Variants in PPDPF observed in about 807,000 individuals in gnomAD.
PPDPF encodes the protein pancreatic progenitor cell differentiation and proliferation factor.
A neutral mutation model predicts 6.3 loss-of-function variants in PPDPF; 11 were observed. The ratio of observed to expected loss-of-function variants is 1.76; its 90% CI spans 1.11 to 2.91. The LOEUF (loss-of-function observed/expected upper bound fraction) is 2.91, where lower values mean the gene tolerates loss of function less well. Among genes scored for constraint, PPDPF ranks in the 30% most tolerant of loss-of-function variants. PPDPF has a pLI of 0.00. For synonymous variants in PPDPF, 86 were observed against 64.5 expected (o/e 1.33, Z -1.60); for missense variants, 202 against 159.4 (o/e 1.27, Z -1.44).
chr20:63,521,472 C>T (rs1477056724), intron 2 of PPDPF, 40 bp from the exon 3 acceptor site: 13 of 1,556,466 alleles, frequency 8.4e-6, no homozygotes, highest in Non-Finnish European at 1.1e-5. Context: ...GGCTGGGGGG[C>T]TCCGCGCCCC....
At chr20:63,521,018 C>T in intron 1 of PPDPF, 124 bp downstream of exon 1, 1 of 636,684 alleles carries the variant, frequency 1.6e-6, no homozygotes, top group Non-Finnish European at 2.2e-6. Flanking sequence ...CCCCGGCGGG[C>T]TCCTCTCGGG....
rs770974374 is a variant in PPDPF, at chr20:63,521,661, C to T, written c.134-7C>T. The T allele has an allele frequency of 3.7e-6, 6 of 1,613,324 alleles. No homozygotes were observed. The highest frequency in any genetic ancestry group is 1.1e-5 in the South Asian group (1 of 91,082). On this transcript the variant is annotated splice_polypyrimidine_tract_variant and splice_region_variant and intron_variant, in intron 3 of 3. Transcript: ENST00000370179. ...GCAGCATCAAGACCCCACTTCGCTT[C>T]TCTCAGGTCTCCCCAAGGCTGACCC...
In PPDPF at chr20:63,521,786, C is replaced by A. The variant is rs1475878734; in HGVS notation, c.252C>A (p.Ser84=). 1.2e-6 allele frequency: 2 copies of A among 1,612,686 alleles called. No individual in the cohort carries two copies. The highest frequency in any genetic ancestry group is 1.7e-6 in the Non-Finnish European group (2 of 1,179,912). Residue 84 remains serine (S), a synonymous_variant, in exon 4 of 4, where the codon TCC becomes TCA. Transcript: ENST00000370179. ...SAEHSEPPQA[S]SSMTACGLAR... is the part of the protein sequence containing the mutation. ...AGCACTCGGAACCTCCCCAGGCCTC[C>A]AGCAGCATGACCGCCTGTGGCCTGG... is the stretch of plus-strand genomic sequence containing the variant.
At position 63,521,520 on chromosome 20, in the gene PPDPF, G is replaced by C. The variant is rs762788827; in HGVS notation, c.64G>C (p.Gly22Arg). Residue 22 changes from glycine to arginine, a missense_variant, in exon 3 of 4, where the codon GGT (glycine) becomes CGT (arginine). Coordinates refer to ENST00000370179, the MANE Select transcript of PPDPF (RefSeq NM_024299.4). Reference protein sequence around the residue: ...ATHDYYRRRLGSTSSNSSCSS... With the variant: ...ATHDYYRRRLRSTSSNSSCSS... ...GGACCTCTCCTCTCCAGGCCGCCTG[G>C]GTTCCACTTCCAGCAACAGCTCCTG... 6.3e-7 allele frequency: 1 copy of C among 1,579,560 alleles called. No homozygotes were observed. The highest frequency in any genetic ancestry group is 8.6e-7 in the Non-Finnish European group (1 of 1,161,470).
chr20:63,521,494 G>C lies in PPDPF; in HGVS notation c.56-18G>C. On this transcript the variant is annotated intron_variant, in intron 2 of 3. Coordinates refer to ENST00000370179, the MANE Select transcript of PPDPF (RefSeq NM_024299.4). ...GGGCTCCGCGCCCCGCGTTGCTGAC[G>C]GGACCTCTCCTCTCCAGGCCGCCTG... is the stretch of plus-strand genomic sequence containing the variant. 6.4e-7 allele frequency: 1 copy of C among 1,563,844 alleles called. No individual in the cohort carries two copies. The highest frequency in any genetic ancestry group is 8.7e-7 in the Non-Finnish European group (1 of 1,153,132).
intron 1 of PPDPF, 117 bp downstream of exon 1, chr20:63,521,011 C>T (rs1600923797): frequency 4.1e-6 from 2 of 484,302 alleles, no homozygotes; most frequent in Non-Finnish European, 3.0e-6. Context: ...TCGGGGTCCC[C>T]GGCGGGCTCC....
At chr20:63,521,157 A>G in intron 1 of PPDPF, 127 bp from the exon 2 acceptor site, 1 of 989,978 alleles carries the variant, frequency 1.0e-6, no homozygotes, top group Non-Finnish European at 1.4e-6. Context: ...CGCGCGGCGA[A>G]GGCGGTGCCG....
chr20:63,522,060 G>T lies in PPDPF; in HGVS notation c.*181G>T. 1 of 640,534 alleles carries T rather than the reference G, an allele frequency of 1.6e-6. No individual in the cohort carries two copies. Among genetic ancestry groups the T allele is most frequent in the East Asian group, 2.8e-5 (1 of 36,302 alleles). 39.7% of individuals were successfully genotyped at this position (640,534 alleles called of 1,614,324 possible). On this transcript the variant is annotated 3_prime_UTR_variant, in exon 4 of 4. Transcript: ENST00000370179. ...AACACAGCAGACACCAAAAACCAGT[G>T]AGAGCCCCGCTCTCTACCGCCCGGC...
At chr20:63,521,066 G>A (rs1050608969) in intron 1 of PPDPF, among the ~76,000 whole-genome samples, 172 bp downstream of exon 1, 4 of 152,012 alleles carry the variant, frequency 2.6e-5, no homozygotes, top group African/African-American at 4.8e-5. Flanking sequence ...GGTTCCCGAC[G>A]TCTGGGCCGG....
rs868214838 is a variant in PPDPF, at chr20:63,521,872, C to G, written c.338C>G (p.Pro113Arg). 2 of 1,586,504 alleles carry G rather than the reference C, an allele frequency of 1.3e-6. No homozygotes were observed. Among genetic ancestry groups the G allele is most frequent in the Non-Finnish European group, 1.7e-6 (2 of 1,167,284 alleles). The change falls in exon 4 of 4, where the codon CCG (proline) becomes CGG (arginine). Residue 113 changes from proline (P) to arginine (R), a missense_variant. Physicochemically the swap from Pro to Arg is moderately radical, Grantham distance 103. Coordinates refer to ENST00000370179, the MANE Select transcript of PPDPF (RefSeq NM_024299.4). ...TCCAGCACAGCCAGCGCTGGGCCCC[C>G]GTCCTGACCTGAGCGGTTACCACCA... ...GQSSTASAGP[P>R]S
chr20:63,521,582 C>T lies in PPDPF; in HGVS notation c.126C>T (p.His42=). ...AGTGCCCCGGGGAAGCCATTCCCCA[C>T]CCCCCAGGTGAGTGCAGGATCGCCC... ...STECPGEAIP[H]PPGLPKADPG... The change falls in exon 3 of 4, where the codon CAC becomes CAT. Residue 42 remains histidine (H), a synonymous_variant. Transcript: ENST00000370179. 6.2e-7 allele frequency: 1 copy of T among 1,607,080 alleles called. No homozygotes were observed. The highest frequency in any genetic ancestry group is 1.7e-5 in the Admixed American group (1 of 59,358).
Position 63,521,503 on chromosome 20 carries a change from C to G in PPDPF, c.56-9C>G, listed in dbSNP as rs1045736371. The G allele has an allele frequency of 1.1e-5, 18 of 1,571,532 alleles. No homozygotes were observed. Among genetic ancestry groups the G allele is most frequent in the Non-Finnish European group, 1.6e-5 (18 of 1,157,638 alleles). Reference sequence around the variant, plus strand: ...GCCCCGCGTTGCTGACGGGACCTCTCCTCTCCAGGCCGCCTGGGTTCCACT... The same window carrying G: ...GCCCCGCGTTGCTGACGGGACCTCTGCTCTCCAGGCCGCCTGGGTTCCACT... On this transcript the variant is annotated splice_polypyrimidine_tract_variant and intron_variant, in intron 2 of 3. Transcript: ENST00000370179.
At position 63,522,149 on chromosome 20, in the gene PPDPF, C is replaced by T; in HGVS notation, c.*270C>T. ...CACCTGGCACCAAGCGGAAAATAAA[C>T]TCCAAGCAGCCAGTAGCCCCGATGG... On this transcript the variant is annotated 3_prime_UTR_variant, in exon 4 of 4. Coordinates refer to ENST00000370179, the MANE Select transcript of PPDPF (RefSeq NM_024299.4). 1 of 543,304 alleles carries T rather than the reference C, an allele frequency of 1.8e-6. No individual in the cohort carries two copies. Among genetic ancestry groups the T allele is most frequent in the Non-Finnish European group, 3.4e-6 (1 of 295,978 alleles). The allele number at this position is 543,304 out of a possible 1,614,324, so 33.7% of individuals were successfully genotyped here. A position where few individuals can be genotyped will look rare whatever the true frequency, so the allele number is the denominator to read the frequency against.
intron 1 of PPDPF, 29 bp from the exon 2 acceptor site, chr20:63,521,255 C>A: frequency 6.5e-7 from 1 of 1,546,082 alleles, no homozygotes. Flanking sequence ...GGCCGCTGAC[C>A]CGAGGGGCTC....
Position 63,521,650 on chromosome 20 carries a change from C to G in PPDPF, c.134-18C>G. 1 of 1,613,254 alleles carries G rather than the reference C, an allele frequency of 6.2e-7. No individual in the cohort carries two copies. The highest frequency in any genetic ancestry group is 8.5e-7 in the Non-Finnish European group (1 of 1,179,846). ...TCCAGGAGCTGGCAGCATCAAGACCCCACTTCGCTTCTCTCAGGTCTCCCC... is the reference window on the plus strand; with the variant it reads ...TCCAGGAGCTGGCAGCATCAAGACCGCACTTCGCTTCTCTCAGGTCTCCCC... On this transcript the variant is annotated intron_variant, in intron 3 of 3. Coordinates refer to ENST00000370179, the MANE Select transcript of PPDPF (RefSeq NM_024299.4).
rs1445420090 is a variant in PPDPF at position 63,521,640 on chromosome 20, C to T, written c.134-28C>T. 8 of 1,612,594 alleles carry T rather than the reference C, an allele frequency of 5.0e-6. No individual in the cohort carries two copies. The South Asian group carries it at 8.8e-5, about 18-fold the overall frequency. ...CCCCCGCTCCTCCAGGAGCTGGCAGCATCAAGACCCCACTTCGCTTCTCTC... is the reference window on the plus strand; with the variant it reads ...CCCCCGCTCCTCCAGGAGCTGGCAGTATCAAGACCCCACTTCGCTTCTCTC... On this transcript the variant is annotated intron_variant, in intron 3 of 3. Coordinates refer to ENST00000370179, the MANE Select transcript of PPDPF (RefSeq NM_024299.4).
rs756583370 is a variant in PPDPF at position 63,521,781 on chromosome 20, G to A, written c.247G>A (p.Ala83Thr). The A allele has an allele frequency of 2.5e-6, 4 of 1,612,552 alleles. No individual in the cohort carries two copies. Among genetic ancestry groups the A allele is most frequent in the Non-Finnish European group, 3.4e-6 (4 of 1,179,922 alleles). ...ESAEHSEPPQ[A>T]SSSMTACGLA... is the part of the protein sequence containing the mutation. Reference sequence around the variant, plus strand: ...CGCAGAGCACTCGGAACCTCCCCAGGCCTCCAGCAGCATGACCGCCTGTGG... The same window carrying A: ...CGCAGAGCACTCGGAACCTCCCCAGACCTCCAGCAGCATGACCGCCTGTGG... Residue 83 changes from alanine (A) to threonine (T), a missense_variant, in exon 4 of 4, where the codon GCC (alanine) becomes ACC (threonine). Ala to Thr is a moderately conservative substitution (Grantham distance 58). Transcript: ENST00000370179.
chr20:63,521,936 T>TCC lies in PPDPF; in HGVS notation c.*60_*61dup. The TCC allele has an allele frequency of 8.7e-7, 1 of 1,148,462 alleles. No homozygotes were observed. The highest frequency in any genetic ancestry group is 1.1e-6 in the Non-Finnish European group (1 of 877,012). The allele number at this position is 1,148,462 out of a possible 1,614,324, so 71.1% of individuals were successfully genotyped here. A position where few individuals can be genotyped will look rare whatever the true frequency, so the allele number is the denominator to read the frequency against. On this transcript the variant is annotated 3_prime_UTR_variant, in exon 4 of 4. Transcript: ENST00000370179. ...GGAGGCGCTAGTCCACCAGAGCCCC[T>TCC]CCCCGCCCCTCTCCCCACTCCGCAT...
intron 2 of PPDPF, 55 bp from the exon 3 acceptor site, chr20:63,521,457 C>T (rs2082544340): frequency 7.6e-6 from 12 of 1,570,576 alleles, no homozygotes; most frequent in Middle Eastern, 3.4e-4. Flanking sequence ...GCCTGAAGGC[C>T]GGTGGGCTGG....
Sources: allele counts gnomAD v4.1 joint callset (sites outside exome capture counted in the v4.1 genomes callset), GRCh38; gene constraint gnomAD v4.1.1; transcripts MANE v1.5; gene names NCBI Gene and HGNC (gene_info 2026-07-23, HGNC 2026-07-21).